MAGI1: variants seen among roughly 807,000 people sequenced by gnomAD.
The protein encoded by MAGI1 is membrane-associated guanylate kinase, WW and PDZ domain-containing protein 1.
A neutral mutation model predicts 139.9 loss-of-function variants in MAGI1; 58 were observed. That is an observed-to-expected ratio of 0.41 (90% CI 0.34 to 0.52). MAGI1 has a LOEUF of 0.52. Among genes scored for constraint, MAGI1 ranks in the 20% least tolerant of loss-of-function variants. MAGI1 has a pLI of 0.12. For missense variants in MAGI1, 1,874 were observed against 1,901.6 expected, an observed-to-expected ratio of 0.99 and a Z score of 0.27; for synonymous variants, 812 against 737.9, an observed-to-expected ratio of 1.10 and a Z score of -1.63.
intron 1 of MAGI1, among the ~76,000 whole-genome samples, chr3:65,746,434 T>C (rs1345547894): frequency 2.6e-5 from 4 of 152,240 alleles, no homozygotes; most frequent in African/African-American, 9.6e-5. Flanking sequence ...GGATGATAAA[T>C]GTTTCTGATG....
At chr3:65,563,123 AG>A (rs2080442480) in intron 2 of MAGI1, among the ~76,000 whole-genome samples, 1 of 152,228 alleles carries the variant, frequency 6.6e-6, no homozygotes, top group Non-Finnish European at 1.5e-5. Context: ...TTTTTAAGCA[AG>A]AGAACTTTAT....
intron 8 of MAGI1, 27 bp from the exon 9 acceptor site, chr3:65,440,039 G>A (rs373697698): frequency 6.2e-7 from 1 of 1,612,790 alleles, no homozygotes; most frequent in Non-Finnish European, 8.5e-7. Flanking sequence ...ATAGTATTCA[G>A]CTTGAAACAG....
At chr3:65,787,437 G>A (rs1477845484) in intron 1 of MAGI1, among the ~76,000 whole-genome samples, 2 of 151,374 alleles carry the variant, frequency 1.3e-5, no homozygotes, top group Non-Finnish European at 2.9e-5. Flanking sequence ...ATGTTTAGTC[G>A]GTTCTAGGCA....
At chr3:65,736,880 T>A (rs1463556266) in intron 1 of MAGI1, among the ~76,000 whole-genome samples, 2 of 152,222 alleles carry the variant, frequency 1.3e-5, no homozygotes, top group Admixed American at 6.5e-5. Context: ...CCAGTCAAGA[T>A]GACACACAAA....
chr3:66,002,074 C>T (rs539175354), intron 1 of MAGI1, among the ~76,000 whole-genome samples: 25 of 152,256 alleles, frequency 1.6e-4, no homozygotes, highest in Non-Finnish European at 3.4e-4. Context: ...TAGATTGAGT[C>T]TCATAAACAA....
At chr3:65,796,737 C>T (rs1302269417) in intron 1 of MAGI1, among the ~76,000 whole-genome samples, 1 of 152,162 alleles carries the variant, frequency 6.6e-6, no homozygotes, top group Non-Finnish European at 1.5e-5. Flanking sequence ...AATAAGGTGC[C>T]GATAGTAAAT....
chr3:65,665,435 C>T (rs1284543183), intron 1 of MAGI1, among the ~76,000 whole-genome samples: 1 of 152,174 alleles, frequency 6.6e-6, no homozygotes, highest in East Asian at 1.9e-4. Flanking sequence ...TAGTGAACAG[C>T]ATTGCTGTAA....
chr3:65,631,008 C>T (rs536602661), intron 1 of MAGI1, among the ~76,000 whole-genome samples: 135 of 152,312 alleles, frequency 8.9e-4, no homozygotes, highest in African/African-American at 3.2e-3. Context: ...TAAATATCAA[C>T]GTTTCTTTTG....
chr3:65,724,518 GC>G (rs2033396387), intron 1 of MAGI1, among the ~76,000 whole-genome samples: 1 of 152,116 alleles, frequency 6.6e-6, no homozygotes, highest in Admixed American at 6.5e-5. Flanking sequence ...TGAAAAGAGG[GC>G]TTTTCCCGTT....
chr3:65,478,167 A>C (rs1415438647), intron 4 of MAGI1, among the ~76,000 whole-genome samples: 3 of 152,158 alleles, frequency 2.0e-5, no homozygotes, highest in Admixed American at 2.0e-4. Flanking sequence ...TCTATACAGC[A>C]TCAACTGACA....
chr3:65,623,445 G>A (rs1054842097), intron 1 of MAGI1, among the ~76,000 whole-genome samples: 1 of 152,116 alleles, frequency 6.6e-6, no homozygotes, highest in Admixed American at 6.6e-5. Flanking sequence ...TCAACAGAAG[G>A]CTTGTAGATC....
chr3:65,800,063 G>A lies in MAGI1; in HGVS notation c.314-177975C>T, dbSNP rs549843531. Among the ~76,000 whole-genome samples the A allele has an allele frequency of 6.6e-5, 10 of 152,292 alleles. No homozygotes were observed. In the South Asian group the frequency reaches 1.0e-3, roughly 16 times the overall value. The stretch of plus-strand genomic sequence containing the variant: ...TCTACCACTTACTTTGCTGAATGGC[G>A]TTGGGCATGTTACTTTCCTCCCAAG... On this transcript the variant is annotated intron_variant, in intron 1 of 22. Transcript: ENST00000402939.
At chr3:66,017,316 C>T (rs559164624) in intron 1 of MAGI1, among the ~76,000 whole-genome samples, 136 of 152,220 alleles carry the variant, frequency 8.9e-4, no homozygotes, top group Non-Finnish European at 1.7e-3. Context: ...GGAAGCTCCG[C>T]GCTGCAATGA....
At chr3:66,020,416 C>A (rs990860014) in intron 1 of MAGI1, among the ~76,000 whole-genome samples, 1 of 152,050 alleles carries the variant, frequency 6.6e-6, no homozygotes, top group African/African-American at 2.4e-5. Flanking sequence ...GGTGACAGAG[C>A]GAGACTCTAT....
chr3:65,546,121 A>AT (rs1164990107), intron 2 of MAGI1, among the ~76,000 whole-genome samples: 5 of 152,208 alleles, frequency 3.3e-5, no homozygotes, highest in African/African-American at 1.2e-4. Flanking sequence ...GCATATAAAC[A>AT]TACATTTAAA....
At chr3:65,379,705 A>G in intron 16 of MAGI1, 151 bp from the exon 17 acceptor site, 3 of 1,321,478 alleles carry the variant, frequency 2.3e-6, no homozygotes, top group Non-Finnish European at 3.1e-6. Context: ...GGATATACGG[A>G]TTGAAAGCAG....
rs530900887 is a variant in MAGI1 at position 65,783,920 on chromosome 3, C to T, written c.314-161832G>A. ...GATGGACCACCTGAGGTCAGGAGTT[C>T]GAGACCAGCCTGACCAACACAGTGA... is the stretch of plus-strand genomic sequence containing the variant. On this transcript the variant is annotated intron_variant, in intron 1 of 22. Coordinates refer to ENST00000402939, the MANE Select transcript of MAGI1 (RefSeq NM_001033057.2). Among the ~76,000 whole-genome samples the T allele has an allele frequency of 3.1e-3, 471 of 151,538 alleles. 1 individual carries two copies. Among genetic ancestry groups the T allele is most frequent in the African/African-American group, 0.011 (444 of 41,298 alleles).
intron 1 of MAGI1, among the ~76,000 whole-genome samples, chr3:65,767,673 C>T (rs2037601939): frequency 6.6e-6 from 1 of 152,130 alleles, no homozygotes; most frequent in South Asian, 2.1e-4. Flanking sequence ...CTGCACTAGG[C>T]CCCAACAGAA....
chr3:65,968,630 A>G (rs2064874443), intron 1 of MAGI1, among the ~76,000 whole-genome samples: 2 of 151,474 alleles, frequency 1.3e-5, no homozygotes, highest in Admixed American at 6.6e-5. Context: ...AAAGGCGAGC[A>G]AGAGAAAGGA....
Sources: gnomAD v4.1 joint callset for allele counts (sites outside exome capture counted in the v4.1 genomes callset) on GRCh38, gnomAD v4.1.1 for gene constraint, MANE v1.5 for transcripts, NCBI Gene and HGNC (gene_info 2026-07-23, HGNC 2026-07-21) for gene names.